THSD7A: variants seen among roughly 807,000 people sequenced by gnomAD.
The protein encoded by THSD7A is thrombospondin type 1 domain containing 7A.
A neutral mutation model predicts 231.3 loss-of-function variants in THSD7A; 96 were observed. The observed-to-expected ratio is 0.41, with a 90% CI of 0.35 to 0.49. The LOEUF (loss-of-function observed/expected upper bound fraction) is 0.49. THSD7A is among the 20% of genes least tolerant of loss of function. The pLI, the probability that THSD7A is intolerant of heterozygous loss-of-function variation, is 0.05. For missense variants in THSD7A, 2,290 were observed against 2,070.2 expected, an observed-to-expected ratio of 1.11 and a Z score of -2.06; for synonymous variants, 940 against 743.3, an observed-to-expected ratio of 1.26 and a Z score of -4.30.
intron 1 of THSD7A, among the ~76,000 whole-genome samples, chr7:11,687,644 T>G (rs937890672): frequency 6.6e-6 from 1 of 151,900 alleles, no homozygotes; most frequent in African/African-American, 2.4e-5. Context: ...TTTAGTGTTG[T>G]TACTTGAGAA....
At chr7:11,376,874 A>G in intron 26 of THSD7A, 1 of 372,504 alleles carries the variant, frequency 2.7e-6, no homozygotes, top group Non-Finnish European at 4.8e-6. Context: ...GAACTGAAAA[A>G]TTATAAATGT....
At chr7:11,576,439 GC>G (rs111343547) in intron 4 of THSD7A, among the ~76,000 whole-genome samples, 2,538 of 152,210 alleles carry the variant, frequency 0.017, 77 homozygotes, top group African/African-American at 0.058. Context: ...GACAATCATT[GC>G]CCTATCTAGA....
At chr7:11,582,371 G>C (rs1791202889) in intron 4 of THSD7A, among the ~76,000 whole-genome samples, 2 of 151,858 alleles carry the variant, frequency 1.3e-5, no homozygotes, top group South Asian at 4.2e-4. Context: ...AAATAGAAGG[G>C]TGTTCAATAT....
chr7:11,689,919 T>G (rs1023927975), intron 1 of THSD7A, among the ~76,000 whole-genome samples: 3 of 125,480 alleles, frequency 2.4e-5, no homozygotes, highest in African/African-American at 7.7e-5. Context: ...TCTTTAGTTG[T>G]TACTACAAGG....
intron 1 of THSD7A, among the ~76,000 whole-genome samples, chr7:11,825,959 T>A (rs908076749): frequency 2.0e-5 from 3 of 152,204 alleles, no homozygotes; most frequent in African/African-American, 7.2e-5. Context: ...TGGAATGATA[T>A]CCCTCTCTCC....
At chr7:11,780,321 G>A (rs1016915761) in intron 1 of THSD7A, among the ~76,000 whole-genome samples, 2 of 152,120 alleles carry the variant, frequency 1.3e-5, no homozygotes, top group Admixed American at 6.5e-5. Flanking sequence ...CACTGAATAA[G>A]GCTGACCTAT....
intron 23 of THSD7A, chr7:11,384,983 A>T (rs549180664): frequency 6.6e-6 from 1 of 151,900 alleles, no homozygotes; most frequent in Non-Finnish European, 1.5e-5. Flanking sequence ...TTTTAGTTTC[A>T]TATCTTCCAA....
intron 1 of THSD7A, among the ~76,000 whole-genome samples, chr7:11,653,685 G>T (rs1043451560): frequency 3.3e-5 from 5 of 151,804 alleles, no homozygotes; most frequent in Admixed American, 3.3e-4. Flanking sequence ...GAGTAGGCCA[G>T]CCAGCAATCA....
chr7:11,379,086 T>A lies in THSD7A; in HGVS notation c.4785A>T (p.Leu1595=), dbSNP rs994436170. ...TCAGTTCACCTGGCCCAAATGGCTG[T>A]AGAAACCAGGTCCTTCCCCGTCCTG... ...NPAGRGRTWF[L]QPFGPDGRLK... is the part of the protein sequence containing the mutation. Residue 1595 remains leucine (L), a synonymous_variant, in exon 26 of 28, where the codon CTA becomes CTT. Coordinates refer to ENST00000423059, the MANE Select transcript of THSD7A (RefSeq NM_015204.3). 4.3e-6 allele frequency: 7 copies of A among 1,613,242 alleles called. No individual in the cohort carries two copies. In the Admixed American group the frequency reaches 5.0e-5, roughly 12 times the overall value.
intron 1 of THSD7A, among the ~76,000 whole-genome samples, chr7:11,802,060 A>T (rs947325770): frequency 7.2e-5 from 11 of 152,200 alleles, no homozygotes; most frequent in African/African-American, 2.7e-4. Context: ...TTCTAACCAC[A>T]AAACTTCCGT....
At chr7:11,771,085 G>C (rs2128171610) in intron 1 of THSD7A, among the ~76,000 whole-genome samples, 1 of 150,440 alleles carries the variant, frequency 6.6e-6, no homozygotes, top group East Asian at 2.0e-4. Flanking sequence ...TTTCAACTTA[G>C]AAAAATATAT....
At chr7:11,523,191 C>T (rs922361960) in intron 6 of THSD7A, among the ~76,000 whole-genome samples, 1 of 152,098 alleles carries the variant, frequency 6.6e-6, no homozygotes, top group Non-Finnish European at 1.5e-5. Flanking sequence ...TATATAAAAA[C>T]GATTCAACAG....
intron 4 of THSD7A, among the ~76,000 whole-genome samples, chr7:11,586,702 TCCATTTAG>T (rs1779924463): frequency 6.6e-6 from 1 of 152,212 alleles, no homozygotes; most frequent in Non-Finnish European, 1.5e-5. Context: ...TAATTTACTT[TCCATTTAG>T]CAATGGTGTG....
chr7:11,442,461 C>T (rs1191066831), intron 13 of THSD7A, among the ~76,000 whole-genome samples: 1 of 151,982 alleles, frequency 6.6e-6, no homozygotes, highest in Admixed American at 6.6e-5. Flanking sequence ...ATTGTCATTG[C>T]ACTGCACACA....
intron 1 of THSD7A, among the ~76,000 whole-genome samples, chr7:11,640,392 T>C (rs1325572956): frequency 2.0e-5 from 3 of 152,196 alleles, no homozygotes; most frequent in Admixed American, 2.0e-4. Context: ...CATTGCAGTA[T>C]ATCATTGATT....
intron 2 of THSD7A, among the ~76,000 whole-genome samples, chr7:11,604,141 T>A (rs963344658): frequency 4.6e-5 from 7 of 152,182 alleles, no homozygotes; most frequent in Non-Finnish European, 8.8e-5. Flanking sequence ...TGTTTATGTA[T>A]ATAAAATGTA....
intron 1 of THSD7A, among the ~76,000 whole-genome samples, chr7:11,691,939 A>T (rs1458638099): frequency 6.6e-6 from 1 of 151,594 alleles, no homozygotes; most frequent in Non-Finnish European, 1.5e-5. Flanking sequence ...CAAAAATAAC[A>T]TTTAAAAATC....
At chr7:11,412,991 T>C (rs1255338280) in intron 17 of THSD7A, among the ~76,000 whole-genome samples, 191 bp from the exon 18 acceptor site, 1 of 152,182 alleles carries the variant, frequency 6.6e-6, no homozygotes, top group Non-Finnish European at 1.5e-5. Flanking sequence ...TGATGTACCA[T>C]CTAGCTATAA....
chr7:11,600,567 T>G (rs552291708), intron 2 of THSD7A, among the ~76,000 whole-genome samples: 36 of 151,966 alleles, frequency 2.4e-4, no homozygotes, highest in Non-Finnish European at 4.6e-4. Context: ...CTTTGAAGAG[T>G]TTTCGTGAAA....
Sources: gnomAD v4.1 joint callset for allele counts (sites outside exome capture counted in the v4.1 genomes callset) on GRCh38, gnomAD v4.1.1 for gene constraint, MANE v1.5 for transcripts, NCBI Gene and HGNC (gene_info 2026-07-23, HGNC 2026-07-21) for gene names.